The following SDK1 variants were observed in gnomAD, a reference collection of about 807,000 sequenced individuals.
The protein encoded by SDK1 is sidekick cell adhesion molecule 1.
SDK1 carries 157 observed loss-of-function variants against 245.5 expected under a neutral mutation model. The observed-to-expected ratio is 0.64, with a 90% CI of 0.56 to 0.73. The LOEUF (loss-of-function observed/expected upper bound fraction) is 0.73. Among genes scored for constraint, SDK1 ranks in the 30% least tolerant of loss-of-function variants. The pLI is 0.00. For missense variants in SDK1, 3,583 were observed against 3,002.3 expected (o/e 1.19, Z -4.52); for synonymous variants, 1,647 against 1,278.5 (o/e 1.29, Z -6.15).
At chr7:3,753,532 C>A (rs908193034) in intron 4 of SDK1, among the ~76,000 whole-genome samples, 1 of 152,168 alleles carries the variant, frequency 6.6e-6, no homozygotes, top group Non-Finnish European at 1.5e-5. Flanking sequence ...GTTGCAGTCA[C>A]CCCCAGACAG....
At chr7:3,883,642 C>A (rs1015459284) in intron 5 of SDK1, among the ~76,000 whole-genome samples, 2 of 152,132 alleles carry the variant, frequency 1.3e-5, no homozygotes, top group African/African-American at 2.4e-5. Context: ...AAAACTGTGC[C>A]ATGAAGACAG....
Position 3,929,525 on chromosome 7 carries a change from G to A in SDK1, c.848-21398G>A, listed in dbSNP as rs146743042. 2.6e-5 allele frequency among the ~76,000 whole-genome samples: 4 copies of A among 152,298 alleles called. No homozygotes were observed. In the East Asian group the frequency reaches 7.7e-4, roughly 29 times the overall value. On this transcript the variant is annotated intron_variant, in intron 5 of 44. Coordinates refer to ENST00000404826, the MANE Select transcript of SDK1 (RefSeq NM_152744.4). Reference sequence around the variant, plus strand: ...CCTGTGTTTCTTTTCTTTTCCCCAAGACTGTGTTTGAAGGTTAATTTCAGG... The same window carrying A: ...CCTGTGTTTCTTTTCTTTTCCCCAAAACTGTGTTTGAAGGTTAATTTCAGG...
At chr7:4,054,469 G>A (rs1410174992) in intron 19 of SDK1, among the ~76,000 whole-genome samples, 1 of 152,092 alleles carries the variant, frequency 6.6e-6, no homozygotes, top group Non-Finnish European at 1.5e-5. Flanking sequence ...GTTTAGTCCT[G>A]TACAGTTTGA....
At chr7:3,721,827 G>T (rs772810383) in intron 4 of SDK1, among the ~76,000 whole-genome samples, 2 of 152,132 alleles carry the variant, frequency 1.3e-5, no homozygotes, top group East Asian at 1.9e-4. Flanking sequence ...GGCTTAGACC[G>T]GTTGGCATAA....
Position 3,951,747 on chromosome 7 carries a change from G to C in SDK1, c.977G>C (p.Ser326Thr). Residue 326 changes from serine (S) to threonine (T), a missense_variant, in exon 7 of 45, where the codon AGT becomes ACT. Transcript: ENST00000404826. ...TCCCACAGGCCTGTGGAGGACCTGA[G>C]TGTGACCTGGAAGAGGAATGGAGTG... ...IASARPVEDL[S>T]VTWKRNGVRI... 1 of 1,613,572 alleles carries C rather than the reference G, an allele frequency of 6.2e-7. No individual in the cohort carries two copies. The highest frequency in any genetic ancestry group is 8.5e-7 in the Non-Finnish European group (1 of 1,180,022).
intron 4 of SDK1, among the ~76,000 whole-genome samples, chr7:3,708,081 C>T (rs1476509676): frequency 6.6e-6 from 1 of 152,116 alleles, no homozygotes; most frequent in Non-Finnish European, 1.5e-5. Flanking sequence ...CTGGGGAGGC[C>T]TCAGGAAACT....
chr7:3,481,562 G>GCC (rs1781524067), intron 1 of SDK1, among the ~76,000 whole-genome samples: 1 of 152,186 alleles, frequency 6.6e-6, no homozygotes, highest in African/African-American at 2.4e-5. Context: ...AAAGAATTAG[G>GCC]TCCAGGTATT....
At chr7:4,146,023 C>G (rs549451056) in intron 29 of SDK1, 107 bp downstream of exon 29, 5 of 961,942 alleles carry the variant, frequency 5.2e-6, no homozygotes, top group East Asian at 5.2e-5. Context: ...GCCTTCCCTT[C>G]GGAGAAAGAG....
At chr7:3,446,033 G>C (rs928999081) in intron 1 of SDK1, among the ~76,000 whole-genome samples, 8 of 152,072 alleles carry the variant, frequency 5.3e-5, no homozygotes, top group African/African-American at 1.7e-4. Context: ...AGAATTTGCA[G>C]TTGACAGCTC....
intron 34 of SDK1, among the ~76,000 whole-genome samples, chr7:4,176,364 T>C (rs1782211891): frequency 6.6e-6 from 1 of 152,150 alleles, no homozygotes; most frequent in Non-Finnish European, 1.5e-5. Context: ...AGACGGGTTC[T>C]TGCTATGTTG....
intron 4 of SDK1, among the ~76,000 whole-genome samples, chr7:3,717,804 G>A (rs1249128433): frequency 6.6e-6 from 1 of 152,104 alleles, no homozygotes; most frequent in Non-Finnish European, 1.5e-5. Flanking sequence ...TCCTGGCAGA[G>A]ATCATTTGAC....
chr7:3,842,648 G>A (rs1478720917), intron 5 of SDK1, among the ~76,000 whole-genome samples: 7 of 152,094 alleles, frequency 4.6e-5, no homozygotes, highest in Non-Finnish European at 4.4e-5. Context: ...ACGAACAATC[G>A]TGAGTCCACT....
chr7:3,817,842 G>A (rs1305167931), intron 4 of SDK1, among the ~76,000 whole-genome samples: 4 of 152,234 alleles, frequency 2.6e-5, no homozygotes, highest in Non-Finnish European at 5.9e-5. Context: ...AGAATCAAGT[G>A]AAGAATGGCC....
At chr7:4,021,436 A>G (rs955973799) in intron 17 of SDK1, among the ~76,000 whole-genome samples, 1 of 152,154 alleles carries the variant, frequency 6.6e-6, no homozygotes, top group Non-Finnish European at 1.5e-5. Flanking sequence ...AAACAGACCC[A>G]CAGTGACAGG....
At chr7:3,879,832 T>G (rs557348701) in intron 5 of SDK1, among the ~76,000 whole-genome samples, 4 of 152,182 alleles carry the variant, frequency 2.6e-5, no homozygotes, top group Non-Finnish European at 5.9e-5. Flanking sequence ...ATATACAGCA[T>G]GCATAATTAA....
intron 28 of SDK1, among the ~76,000 whole-genome samples, chr7:4,139,891 C>A (rs1484681410): frequency 6.6e-6 from 1 of 152,128 alleles, no homozygotes; most frequent in Admixed American, 6.5e-5. Flanking sequence ...GGGACTCAGG[C>A]AGGGAGAGTC....
intron 4 of SDK1, among the ~76,000 whole-genome samples, chr7:3,645,409 A>T (rs1782799599): frequency 1.3e-5 from 2 of 152,170 alleles, no homozygotes; most frequent in African/African-American, 4.8e-5. Flanking sequence ...CATCACCCCA[A>T]GTCTATTAAG....
At chr7:4,226,478 C>A (rs1226565582) in intron 40 of SDK1, among the ~76,000 whole-genome samples, 1 of 152,164 alleles carries the variant, frequency 6.6e-6, no homozygotes, top group Non-Finnish European at 1.5e-5. Flanking sequence ...CTTCCTTACA[C>A]CCCCCGCACA....
At chr7:4,131,641 C>G (rs937321151) in intron 27 of SDK1, among the ~76,000 whole-genome samples, 13 of 152,140 alleles carry the variant, frequency 8.5e-5, no homozygotes, top group Admixed American at 3.9e-4. Flanking sequence ...CACTTACTTG[C>G]CTGTTCGTTT....
Sources: allele counts gnomAD v4.1 joint callset (sites outside exome capture counted in the v4.1 genomes callset), GRCh38; gene constraint gnomAD v4.1.1; transcripts MANE v1.5; gene names NCBI Gene and HGNC (gene_info 2026-07-23, HGNC 2026-07-21).